RSPH3: variants seen among roughly 807,000 people sequenced by gnomAD.
RSPH3 encodes the protein radial spoke head protein 3 homolog.
A neutral mutation model predicts 43.8 loss-of-function variants in RSPH3; 21 were observed. The ratio of observed to expected loss-of-function variants is 0.48; its 90% CI spans 0.34 to 0.69. RSPH3 has a LOEUF of 0.69. RSPH3 is among the 30% of genes least tolerant of loss of function. The probability of loss-of-function intolerance (pLI) is 0.01; values close to 1 mark genes in which losing one functional copy is unlikely to be tolerated. For missense variants in RSPH3, 487 were observed against 516.0 expected (o/e 0.94, Z 0.54); for synonymous variants, 173 against 179.8 (o/e 0.96, Z 0.30).
rs1290827482 is a variant in RSPH3, at chr6:158,977,583, T to C, written c.1212A>G (p.Glu404=). ...MEERELLGQD[E]ETAMRKSLGE... ...CTAAGGACTTCCTCATTGCTGTTTC[T>C]TCATCTTGCCCTAAGAGTTCTCTCT... is the stretch of plus-strand genomic sequence containing the variant. The change falls in exon 8 of 8, where the codon GAA becomes GAG. Residue 404 remains glutamate (E), a synonymous_variant. Coordinates refer to ENST00000367069, the MANE Select transcript of RSPH3 (RefSeq NM_031924.8). 4 of 1,613,880 alleles carry C rather than the reference T, an allele frequency of 2.5e-6. No homozygotes were observed.
downstream of RSPH3, among the ~76,000 whole-genome samples, chr6:158,970,302 G>A (rs529523913): frequency 1.7e-4 from 26 of 152,274 alleles, 1 homozygote; most frequent in South Asian, 5.2e-3. Context: ...GATGATTAGA[G>A]ATTTCCTTAA....
the RSPH3 span, among the ~76,000 whole-genome samples, chr6:158,963,470 CCTCTCCCTTCCCT>C: frequency 1.8e-5 from 2 of 111,444 alleles, no homozygotes; most frequent in South Asian, 3.5e-4. Flanking sequence ...CCCCTCCCCT[CCTCTCCCTTCCCT>C]TCCCTTCCCT....
intron 3 of RSPH3, among the ~76,000 whole-genome samples, chr6:158,984,015 T>C (rs1466734830): frequency 6.6e-6 from 1 of 151,986 alleles, no homozygotes; most frequent in Admixed American, 6.6e-5. Context: ...GTGCCTGTGG[T>C]CCCAGCCACT....
Position 159,000,039 on chromosome 6 carries a change from G to A in RSPH3, c.-489C>T, listed in dbSNP as rs1778817660. 1 of 1,468,534 alleles carries A rather than the reference G, an allele frequency of 6.8e-7. No homozygotes were observed. Among genetic ancestry groups the A allele is most frequent in the Admixed American group, 2.4e-5 (1 of 42,468 alleles). The allele number at this position is 1,468,534 out of a possible 1,614,324, so 91.0% of individuals were successfully genotyped here. A position where few individuals can be genotyped will look rare whatever the true frequency, so the allele number is the denominator to read the frequency against. On this transcript the variant is annotated 5_prime_UTR_variant, in exon 1 of 8. Transcript: ENST00000367069. Reference sequence around the variant, plus strand: ...CCGGCTTTGGAATGTGGCTTTGCAGGGCTGGTGTTGGCGCCATTCTCGCAG... The same window carrying A: ...CCGGCTTTGGAATGTGGCTTTGCAGAGCTGGTGTTGGCGCCATTCTCGCAG...
At position 158,979,937 on chromosome 6, in the gene RSPH3, A is replaced by G. The variant is rs559780959; in HGVS notation, c.859+837T>C. 3.3e-5 allele frequency among the ~76,000 whole-genome samples: 5 copies of G among 152,298 alleles called. No homozygotes were observed. In the South Asian group the frequency reaches 1.0e-3, roughly 32 times the overall value. On this transcript the variant is annotated intron_variant, in intron 6 of 7. Coordinates refer to ENST00000367069, the MANE Select transcript of RSPH3 (RefSeq NM_031924.8). ...GGCTCCCTAGTGGCAGAGATCAGGG[A>G]TCCTTCTTTTTCTCCAATACCAAAC...
chr6:158,991,464 G>T (rs1472760156), intron 2 of RSPH3, among the ~76,000 whole-genome samples: 1 of 152,208 alleles, frequency 6.6e-6, no homozygotes, highest in African/African-American at 2.4e-5. Context: ...CAACACATTG[G>T]TGCCAGGTGG....
At chr6:158,999,234 T>G (rs1350114423) in intron 1 of RSPH3, among the ~76,000 whole-genome samples, 2,695 of 152,294 alleles carry the variant, frequency 0.018, 34 homozygotes, top group Middle Eastern at 0.024. Context: ...CACTAAAAGT[T>G]AACTGATGCC....
rs773735697 is a variant in RSPH3, at chr6:158,986,329, T to C, written c.297A>G (p.Pro99=). 16 of 1,614,098 alleles carry C rather than the reference T, an allele frequency of 9.9e-6. No individual in the cohort carries two copies. Among genetic ancestry groups the C allele is most frequent in the Non-Finnish European group, 1.4e-5 (16 of 1,180,034 alleles). Residue 99 remains proline (P), a synonymous_variant, in exon 3 of 8, where the codon CCA becomes CCG. Coordinates refer to ENST00000367069, the MANE Select transcript of RSPH3 (RefSeq NM_031924.8). ...TGCCTTCCACAGGTTCAGGTGTTTG[T>C]GGTCTGAGCTGCTCTTGGGCTTGTT... ...ARKQAQEQLR[P]QTPEPVEGRK...
At position 158,973,695 on chromosome 6, in the gene RSPH3, G is replaced by C. The variant is rs1436010661; in HGVS notation, c.*3843C>G. On this transcript the variant is annotated 3_prime_UTR_variant, in exon 8 of 8. Transcript: ENST00000367069. Reference sequence around the variant, plus strand: ...AACTCCACCTTGTGTTGCTCAGAGTGACTTTGCAGGCCACGCTCATAGCCC... The same window carrying C: ...AACTCCACCTTGTGTTGCTCAGAGTCACTTTGCAGGCCACGCTCATAGCCC... The C allele has an allele frequency of 6.6e-6, 1 of 152,174 alleles. No homozygotes were observed. 9.4% of individuals were successfully genotyped at this position (152,174 alleles called of 1,614,324 possible).
intron 2 of RSPH3, among the ~76,000 whole-genome samples, chr6:158,987,128 C>A (rs1341185673): frequency 6.6e-6 from 1 of 152,052 alleles, no homozygotes. Context: ...TAGATCTATT[C>A]ATGTTTGCTT....
chr6:158,966,681 A>G, the RSPH3 span, among the ~76,000 whole-genome samples: 1 of 151,956 alleles, frequency 6.6e-6, no homozygotes, highest in Non-Finnish European at 1.5e-5. Flanking sequence ...CTTCATTCCT[A>G]ATTTAATAAT....
chr6:158,986,387 T>C lies in RSPH3; in HGVS notation c.239A>G (p.Gln80Arg). 1 of 1,614,044 alleles carries C rather than the reference T, an allele frequency of 6.2e-7. No homozygotes were observed. Among genetic ancestry groups the C allele is most frequent in the South Asian group, 1.1e-5 (1 of 91,082 alleles). ...GRPDSLELQR[Q>R]REARKRALAR... ...AAGAGCCCTCTTCCTAGCCTCCCGT[T>C]GTCTCTGGAGCTCTAGAGAATCAGG... The change falls in exon 3 of 8, where the codon CAA (glutamine) becomes CGA (arginine). Residue 80 changes from glutamine (Q) to arginine (R), a missense_variant. By Grantham distance (43) the Gln-to-Arg change is conservative. Coordinates refer to ENST00000367069, the MANE Select transcript of RSPH3 (RefSeq NM_031924.8).
intron 2 of RSPH3, among the ~76,000 whole-genome samples, chr6:158,991,507 C>T (rs576489962): frequency 6.6e-5 from 10 of 152,284 alleles, no homozygotes; most frequent in Admixed American, 4.6e-4. Flanking sequence ...TAGGCTCTGT[C>T]GACACTGGTG....
At chr6:158,985,280 G>C (rs1361538606) in intron 3 of RSPH3, among the ~76,000 whole-genome samples, 1 of 152,152 alleles carries the variant, frequency 6.6e-6, no homozygotes, top group African/African-American at 2.4e-5. Flanking sequence ...GACTCAGATG[G>C]GAGTGGGTTT....
Position 158,976,577 on chromosome 6 carries a change from C to CG in RSPH3, c.*960_*961insC, listed in dbSNP as rs1777846546. 1.3e-5 allele frequency: 2 copies of CG among 152,132 alleles called. No individual in the cohort carries two copies. Among genetic ancestry groups the CG allele is most frequent in the Non-Finnish European group, 2.9e-5 (2 of 68,026 alleles). The allele number at this position is 152,132 out of a possible 1,614,324, so 9.4% of individuals were successfully genotyped here. On this transcript the variant is annotated 3_prime_UTR_variant, in exon 8 of 8. Coordinates refer to ENST00000367069, the MANE Select transcript of RSPH3 (RefSeq NM_031924.8). ...TACCTCAAAAAAGGCCTAGATAGCT[C>CG]ATACCTGATAACAGTGATCTACCTT...
intron 1 of RSPH3, among the ~76,000 whole-genome samples, chr6:158,995,879 G>A (rs1436574866): frequency 6.6e-6 from 1 of 152,102 alleles, no homozygotes; most frequent in Non-Finnish European, 1.5e-5. Context: ...GATTACAGGC[G>A]TGAGCCACCG....
downstream of RSPH3, among the ~76,000 whole-genome samples, chr6:158,972,556 C>T (rs910797938): frequency 6.6e-6 from 1 of 152,102 alleles, no homozygotes; most frequent in African/African-American, 2.4e-5. Context: ...GCAAGTCAAC[C>T]TTACCTTAGG....
Position 158,976,571 on chromosome 6 carries a change from A to C in RSPH3, c.*967T>G, listed in dbSNP as rs1777845889. ...TAGGAATACCTCAAAAAAGGCCTAG[A>C]TAGCTCATACCTGATAACAGTGATC... On this transcript the variant is annotated 3_prime_UTR_variant, in exon 8 of 8. Transcript: ENST00000367069. 6.6e-6 allele frequency: 1 copy of C among 152,240 alleles called. No individual in the cohort carries two copies. Among genetic ancestry groups the C allele is most frequent in the African/African-American group, 2.4e-5 (1 of 41,462 alleles). 9.4% of individuals were successfully genotyped at this position (152,240 alleles called of 1,614,324 possible). A position where few individuals can be genotyped will look rare whatever the true frequency, so the allele number is the denominator to read the frequency against.
In RSPH3 at chr6:158,976,819, T is replaced by A. The variant is rs2128604904; in HGVS notation, c.*719A>T. 2 of 152,950 alleles carry A rather than the reference T, an allele frequency of 1.3e-5. No individual in the cohort carries two copies. The highest frequency in any genetic ancestry group is 3.4e-3 in the Middle Eastern group (1 of 298). 9.5% of individuals were successfully genotyped at this position (152,950 alleles called of 1,614,324 possible). On this transcript the variant is annotated 3_prime_UTR_variant, in exon 8 of 8. Transcript: ENST00000367069. ...AACGTTTAGGCATTCTCTCTCTTTT[T>A]TTTCTTTTTTTTTTGAGACGGAGTT...
Sources: gnomAD v4.1 joint callset for allele counts (sites outside exome capture counted in the v4.1 genomes callset) on GRCh38, gnomAD v4.1.1 for gene constraint, MANE v1.5 for transcripts, NCBI Gene and HGNC (gene_info 2026-07-23, HGNC 2026-07-21) for gene names.